Variants in PRKCE observed in about 807,000 individuals in gnomAD.
PRKCE encodes the protein protein kinase C epsilon.
Under a neutral mutation model 85.4 loss-of-function variants are expected in PRKCE, and 16 were observed. That is an observed-to-expected ratio of 0.19 (90% CI 0.13 to 0.28). The LOEUF is 0.28. PRKCE is among the 10% of genes least tolerant of loss of function. The pLI is 1.00. For synonymous variants in PRKCE, 388 were observed against 371.5 expected, an observed-to-expected ratio of 1.04 and a Z score of -0.51; for missense variants, 573 against 975.2, an observed-to-expected ratio of 0.59 and a Z score of 5.49.
At chr2:46,099,648 A>G (rs919461642) in intron 11 of PRKCE, among the ~76,000 whole-genome samples, 2 of 152,022 alleles carry the variant, frequency 1.3e-5, no homozygotes, top group African/African-American at 4.8e-5. Context: ...AGCACTTCTT[A>G]TACTGCATTG....
Position 46,159,664 on chromosome 2 carries a change from A to G in PRKCE, c.1979A>G (p.Asp660Gly), listed in dbSNP as rs1321719130. The change falls in exon 14 of 15, where the codon GAC (aspartate) becomes GGC (glycine). Residue 660 changes from aspartate (D) to glycine (G), a missense_variant. By Grantham distance (94) the Asp-to-Gly change is moderately conservative. Coordinates refer to ENST00000306156, the MANE Select transcript of PRKCE (RefSeq NM_005400.3). The surrounding 1 kb of genome is among the most constrained non-coding windows in gnomAD (Gnocchi z 4.1). ...LGCVASQNGEDAIKQHPFFKE... is the reference protein window; with the variant it reads ...LGCVASQNGEGAIKQHPFFKE... ...TGTGTGGCATCGCAGAATGGCGAGG[A>G]CGCCATCAAGCAGCACCCATTCTTC... The G allele has an allele frequency of 1.9e-6, 3 of 1,599,502 alleles. No homozygotes were observed. The highest frequency in any genetic ancestry group is 3.3e-4 in the Middle Eastern group (2 of 6,060).
At position 46,061,859 on chromosome 2, in the gene PRKCE, C is replaced by CTTTTCTTTTTCTTT. The variant is rs869162406; in HGVS notation, c.1438-24345_1438-24344insCTTTTTCTTTTTTT. Among the ~76,000 whole-genome samples, 871 of 107,746 alleles carry CTTTTCTTTTTCTTT rather than the reference C, an allele frequency of 8.1e-3. 5 individuals carry two copies. The highest frequency in any genetic ancestry group is 9.7e-3 in the Non-Finnish European group (534 of 55,018). 70.7% of individuals were successfully genotyped at this position (107,746 alleles called of 152,430 possible). ...TTTTCTTTTCTTTTCTTTTCTTTTT[C>CTTTTCTTTTTCTTT]TTTTTTTTTTTTTTTTTTGCAACAG... is the stretch of plus-strand genomic sequence containing the variant. On this transcript the variant is annotated intron_variant, in intron 10 of 14. Coordinates refer to ENST00000306156, the MANE Select transcript of PRKCE (RefSeq NM_005400.3).
rs1558624213 is a variant in PRKCE, at chr2:45,744,538, CTTTCTTT to C, written c.348+92091_348+92097del. 6.2e-3 allele frequency among the ~76,000 whole-genome samples: 421 copies of C among 68,430 alleles called. 9 individuals are homozygous for C. Among genetic ancestry groups the C allele is most frequent in the African/African-American group, 0.015 (354 of 23,086 alleles). The allele number at this position is 68,430 out of a possible 152,430, so 44.9% of individuals were successfully genotyped here. A position where few individuals can be genotyped will look rare whatever the true frequency, so the allele number is the denominator to read the frequency against. The stretch of plus-strand genomic sequence containing the variant: ...TTTCTTTCTTTCTTTTTCTTTCCTT[CTTTCTTT>C]CTTTCTTCCTTCCTTCCTTCCTTCC... On this transcript the variant is annotated intron_variant, in intron 1 of 14. Coordinates refer to ENST00000306156, the MANE Select transcript of PRKCE (RefSeq NM_005400.3).
At chr2:45,663,853 G>A (rs1437171439) in intron 1 of PRKCE, among the ~76,000 whole-genome samples, 4 of 151,614 alleles carry the variant, frequency 2.6e-5, no homozygotes, top group Non-Finnish European at 5.9e-5. Context: ...CAGGAGACCA[G>A]TTAAGATTAA....
intron 5 of PRKCE, among the ~76,000 whole-genome samples, chr2:45,980,871 G>C (rs1046840882): frequency 6.6e-6 from 1 of 152,208 alleles, no homozygotes; most frequent in Non-Finnish European, 1.5e-5. Flanking sequence ...ACCGTGCCCT[G>C]ATTGAAGCAC....
chr2:45,768,799 C>T (rs992514406), intron 1 of PRKCE, among the ~76,000 whole-genome samples: 1 of 152,238 alleles, frequency 6.6e-6, no homozygotes, highest in African/African-American at 2.4e-5. Context: ...TGCAGCTTAA[C>T]ACACATTTTA....
At chr2:46,121,445 A>G (rs542197475) in intron 11 of PRKCE, among the ~76,000 whole-genome samples, 2 of 152,280 alleles carry the variant, frequency 1.3e-5, no homozygotes, top group South Asian at 2.1e-4. Flanking sequence ...CTCTGACACC[A>G]AGGTGCCTGG....
intron 1 of PRKCE, among the ~76,000 whole-genome samples, chr2:45,810,798 C>T (rs1389849418): frequency 6.6e-6 from 1 of 152,156 alleles, no homozygotes; most frequent in East Asian, 1.9e-4. Context: ...GTTGCCTAGG[C>T]TTGCAATTTT....
At chr2:46,099,861 G>A (rs1178012663) in intron 11 of PRKCE, among the ~76,000 whole-genome samples, 1 of 152,152 alleles carries the variant, frequency 6.6e-6, no homozygotes, top group African/African-American at 2.4e-5. Flanking sequence ...CTTCCCCTGG[G>A]CTCCTTTCTG....
At position 46,004,301 on chromosome 2, in the gene PRKCE, G is replaced by C; in HGVS notation, c.967-241G>C. 2.2e-6 allele frequency: 1 copy of C among 448,406 alleles called. No homozygotes were observed. Among genetic ancestry groups the C allele is most frequent in the Non-Finnish European group, 4.2e-6 (1 of 239,334 alleles). 27.8% of individuals were successfully genotyped at this position (448,406 alleles called of 1,614,324 possible). On this transcript the variant is annotated intron_variant, in intron 7 of 14. Coordinates refer to ENST00000306156, the MANE Select transcript of PRKCE (RefSeq NM_005400.3). The surrounding 1 kb of genome is among the most constrained non-coding windows in gnomAD (Gnocchi z 4.1). ...AATGAGGGGAAGACATCATCCTTCT[G>C]TGAATGTAGGGAAGGTGCACTGAAA...
intron 11 of PRKCE, among the ~76,000 whole-genome samples, chr2:46,089,914 G>T (rs914556443): frequency 2.4e-4 from 37 of 152,252 alleles, no homozygotes; most frequent in African/African-American, 8.7e-4. Flanking sequence ...TGCCCCCATT[G>T]TCCCTAGGAT....
At chr2:45,771,313 G>T (rs181451441) in intron 1 of PRKCE, among the ~76,000 whole-genome samples, 1 of 152,330 alleles carries the variant, frequency 6.6e-6, no homozygotes. Context: ...GCTCCAAGAG[G>T]CTCACGTTAG....
intron 1 of PRKCE, among the ~76,000 whole-genome samples, chr2:45,756,374 A>G (rs1311619906): frequency 6.6e-6 from 1 of 152,216 alleles, no homozygotes; most frequent in South Asian, 2.1e-4. Context: ...ATGGGAAAGT[A>G]CAAAACTTCA....
chr2:45,986,495 G>A (rs1465234087), intron 6 of PRKCE, among the ~76,000 whole-genome samples: 1 of 152,204 alleles, frequency 6.6e-6, no homozygotes, highest in Non-Finnish European at 1.5e-5. Flanking sequence ...TGGCTACCAG[G>A]CCTGGGTGCA....
At position 46,015,357 on chromosome 2, in the gene PRKCE, A is replaced by G. The variant is rs116569273; in HGVS notation, c.1437+4840A>G. Among the ~76,000 whole-genome samples the G allele has an allele frequency of 1.5e-3, 228 of 152,226 alleles. 1 individual carries two copies. The highest frequency in any genetic ancestry group is 5.4e-3 in the African/African-American group (226 of 41,532). The stretch of plus-strand genomic sequence containing the variant: ...CACAAAACCTGTCTTGAATAATTTC[A>G]TGATTTTTCCTCTTTAAAAATTTCA... On this transcript the variant is annotated intron_variant, in intron 10 of 14. Coordinates refer to ENST00000306156, the MANE Select transcript of PRKCE (RefSeq NM_005400.3).
chr2:46,137,624 G>T (rs546792976), intron 11 of PRKCE, among the ~76,000 whole-genome samples: 2 of 150,434 alleles, frequency 1.3e-5, no homozygotes, highest in African/African-American at 4.9e-5. Flanking sequence ...GATCTGGACA[G>T]TAGTGGTGCA....
chr2:46,143,886 C>T (rs1675805649), intron 11 of PRKCE, among the ~76,000 whole-genome samples: 2 of 152,308 alleles, frequency 1.3e-5, no homozygotes, highest in South Asian at 4.1e-4. Flanking sequence ...GCTTCCTGCC[C>T]CACCTTTGCA....
In PRKCE at chr2:46,159,040, G is replaced by A. The variant is rs1677492209; in HGVS notation, c.1921-566G>A. ...TTCATGGGCATTTTGTGTCAAGATT[G>A]CAAATTCAAACATAAAAACAGTGGA... On this transcript the variant is annotated intron_variant, in intron 13 of 14. Transcript: ENST00000306156. The surrounding 1 kb of genome is among the most constrained non-coding windows in gnomAD (Gnocchi z 4.1). Among the ~76,000 whole-genome samples, 1 of 152,166 alleles carries A rather than the reference G, an allele frequency of 6.6e-6. No individual in the cohort carries two copies. The highest frequency in any genetic ancestry group is 6.5e-5 in the Admixed American group (1 of 15,272).
At chr2:45,704,288 G>T (rs28427244) in intron 1 of PRKCE, among the ~76,000 whole-genome samples, 15,607 of 152,224 alleles carry the variant, frequency 0.1, 964 homozygotes, top group East Asian at 0.14. Context: ...TTTCTGGTTT[G>T]TAGATTGTTC....
Sources: gnomAD v4.1 joint callset for allele counts (sites outside exome capture counted in the v4.1 genomes callset) on GRCh38, gnomAD v4.1.1 for gene constraint, Gnocchi (gnomAD v3.1) non-coding constraint, MANE v1.5 for transcripts, NCBI Gene and HGNC (gene_info 2026-07-23, HGNC 2026-07-21) for gene names.